SREBF2: variants seen among roughly 807,000 people sequenced by gnomAD.
SREBF2 encodes sterol regulatory element binding transcription factor 2, also known as sterol regulatory element-binding protein 2.
A neutral mutation model predicts 113.1 loss-of-function variants in SREBF2; 55 were observed. The observed-to-expected ratio is 0.49, with a 90% CI of 0.39 to 0.61. SREBF2 has a LOEUF of 0.61. Ranked by LOEUF, SREBF2 falls within the 20% of genes least tolerant of loss-of-function variation. The pLI, the probability that SREBF2 is intolerant of heterozygous loss-of-function variation, is 0.00. For missense variants in SREBF2, 1,349 were observed against 1,487.4 expected, an observed-to-expected ratio of 0.91 and a Z score of 1.53; for synonymous variants, 593 against 605.7, an observed-to-expected ratio of 0.98 and a Z score of 0.31.
In SREBF2 at chr22:41,875,601, C is replaced by G. The variant is rs527268225; in HGVS notation, c.1263C>G (p.Ile421Met). The G allele has an allele frequency of 2.0e-5, 33 of 1,614,078 alleles. No individual in the cohort carries two copies. Among genetic ancestry groups the G allele is most frequent in the Non-Finnish European group, 2.8e-5 (33 of 1,180,046 alleles). ...TGGACAATGAGGTGGACCTGAAGAT[C>G]GAGGACTTTAATCAGAATGTCCTTC... ...SLVDNEVDLKIEDFNQNVLLM... is the reference protein window; with the variant it reads ...SLVDNEVDLKMEDFNQNVLLM... Residue 421 changes from isoleucine to methionine, a missense_variant, in exon 7 of 19, where the codon ATC (isoleucine) becomes ATG (methionine). This residue lies in a region of SREBF2 where 699 missense variants were observed against 843.3 expected (regional missense o/e 0.83). Coordinates refer to ENST00000361204, the MANE Select transcript of SREBF2 (RefSeq NM_004599.4).
chr22:41,857,600 A>G (rs937859154), intron 1 of SREBF2, among the ~76,000 whole-genome samples: 3 of 152,062 alleles, frequency 2.0e-5, no homozygotes, highest in Non-Finnish European at 2.9e-5. Context: ...TCTCCACCCA[A>G]TTTTTCTTTG....
At position 41,867,228 on chromosome 22, in the gene SREBF2, G is replaced by A. The variant is rs373113186; in HGVS notation, c.486G>A (p.Thr162=). 40 of 1,614,090 alleles carry A rather than the reference G, an allele frequency of 2.5e-5. No homozygotes were observed. The highest frequency in any genetic ancestry group is 3.1e-5 in the Non-Finnish European group (36 of 1,180,042). The change falls in exon 2 of 19, where the codon ACG becomes ACA. Residue 162 remains threonine, a synonymous_variant. Transcript: ENST00000361204. ...CAACATTCAGCACCACTCCGCAGAC[G>A]AGGATCATCCAGCAGCCTTTGATAT... ...ITPTFSTTPQ[T]RIIQQPLIYQ...
intron 10 of SREBF2, among the ~76,000 whole-genome samples, chr22:41,883,716 T>A (rs1050090430): frequency 6.6e-6 from 1 of 151,608 alleles, no homozygotes; most frequent in Non-Finnish European, 1.5e-5. Context: ...CAGAATGGAG[T>A]GTGGAGGCTG....
At chr22:41,862,346 G>A (rs1316768183) in intron 1 of SREBF2, among the ~76,000 whole-genome samples, 3 of 152,198 alleles carry the variant, frequency 2.0e-5, no homozygotes, top group African/African-American at 7.2e-5. Context: ...CCCAGATACA[G>A]TTTCCTGGGG....
chr22:41,876,396 C>CTTAGTAAA (rs1230146614), intron 7 of SREBF2, among the ~76,000 whole-genome samples: 1 of 152,178 alleles, frequency 6.6e-6, no homozygotes, highest in Non-Finnish European at 1.5e-5. Flanking sequence ...AAGGAAGCTC[C>CTTAGTAAA]ATTTTTGAAA....
chr22:41,895,010 T>C, intron 13 of SREBF2, 73 bp downstream of exon 13: 1 of 1,189,160 alleles, frequency 8.4e-7, no homozygotes, highest in South Asian at 1.2e-5. Context: ...CCTGAAGGCC[T>C]GCACTCCTGG....
Position 41,867,124 on chromosome 22 carries a change from A to C in SREBF2, c.382A>C (p.Thr128Pro). The change falls in exon 2 of 19, where the codon ACT becomes CCT. Residue 128 changes from threonine to proline, a missense_variant. Physicochemically the swap from Thr to Pro is conservative, Grantham distance 38. Transcript: ENST00000361204. ...CTCAGTTCCCACCACACCCAGGGCA[A>C]CTCCTATTCTTCAGCCCCGCCCCCA... ...PTSVPTTPRA[T>P]PILQPRPQPQ... 6.2e-7 allele frequency: 1 copy of C among 1,613,852 alleles called. No individual in the cohort carries two copies. The highest frequency in any genetic ancestry group is 8.5e-7 in the Non-Finnish European group (1 of 1,179,964).
At chr22:41,895,940 G>A (rs1256552326) in intron 13 of SREBF2, among the ~76,000 whole-genome samples, 2 of 151,932 alleles carry the variant, frequency 1.3e-5, no homozygotes, top group African/African-American at 4.8e-5. Flanking sequence ...TCAGGAGATC[G>A]AGACCATCCT....
At chr22:41,871,104 T>C in intron 4 of SREBF2, 69 bp downstream of exon 4, 2 of 1,601,854 alleles carry the variant, frequency 1.2e-6, no homozygotes, top group South Asian at 1.1e-5. Flanking sequence ...TCTTCAGAGA[T>C]GTTAAATCTC....
intron 5 of SREBF2, among the ~76,000 whole-genome samples, chr22:41,874,988 G>T (rs1336345469): frequency 2.0e-5 from 3 of 152,014 alleles, no homozygotes; most frequent in Non-Finnish European, 2.9e-5. Flanking sequence ...AGTTTGTTAT[G>T]GTGCTAGGAT....
At chr22:41,902,438 G>A (rs574831108) in intron 16 of SREBF2, among the ~76,000 whole-genome samples, 6 of 152,154 alleles carry the variant, frequency 3.9e-5, no homozygotes, top group African/African-American at 7.2e-5. Context: ...TGGCAAAGCC[G>A]GGTCAGTAGG....
At chr22:41,845,904 G>A (rs1166020983) in intron 1 of SREBF2, among the ~76,000 whole-genome samples, 1 of 152,218 alleles carries the variant, frequency 6.6e-6, no homozygotes, top group Non-Finnish European at 1.5e-5. Context: ...GGTCTGGGAT[G>A]TTGTCCAACA....
At chr22:41,900,962 G>C (rs757443861) in intron 16 of SREBF2, 3 of 533,952 alleles carry the variant, frequency 5.6e-6, no homozygotes, top group Non-Finnish European at 7.7e-6. Context: ...CATTGTAGTT[G>C]CATTGCATGT....
chr22:41,854,450 C>T (rs754091939), intron 1 of SREBF2, among the ~76,000 whole-genome samples: 9 of 151,952 alleles, frequency 5.9e-5, no homozygotes, highest in Non-Finnish European at 5.9e-5. Flanking sequence ...GGGTGAACCA[C>T]CATGCCCGGC....
At chr22:41,866,049 A>G (rs1031044334) in intron 1 of SREBF2, among the ~76,000 whole-genome samples, 2 of 152,126 alleles carry the variant, frequency 1.3e-5, no homozygotes, top group Non-Finnish European at 2.9e-5. Context: ...TGTGGTGAGG[A>G]GGAAAGAGGT....
intron 8 of SREBF2, 124 bp downstream of exon 8, chr22:41,877,545 C>T: frequency 1.8e-6 from 2 of 1,117,792 alleles, no homozygotes; most frequent in Non-Finnish European, 2.6e-6. Context: ...GGGCCCCCAC[C>T]TGCTTGCTTC....
Position 41,906,563 on chromosome 22 carries a change from G to A in SREBF2, c.*903G>A, listed in dbSNP as rs1211672253. 6.5e-6 allele frequency: 1 copy of A among 152,828 alleles called. No homozygotes were observed. The highest frequency in any genetic ancestry group is 1.5e-5 in the Non-Finnish European group (1 of 68,532). The allele number at this position is 152,828 out of a possible 1,614,324, so 9.5% of individuals were successfully genotyped here. On this transcript the variant is annotated 3_prime_UTR_variant, in exon 19 of 19. Transcript: ENST00000361204. The stretch of plus-strand genomic sequence containing the variant: ...TACAGACTGTCCCCAACTTAACAGT[G>A]GTTCAACTTAAACCATGTTTCAACT...
chr22:41,862,653 C>A (rs1173688186), intron 1 of SREBF2, among the ~76,000 whole-genome samples: 1 of 152,188 alleles, frequency 6.6e-6, no homozygotes, highest in Non-Finnish European at 1.5e-5. Context: ...TAGGACATTC[C>A]CATGGGTGTA....
chr22:41,889,265 T>C (rs1406769832), intron 11 of SREBF2, among the ~76,000 whole-genome samples: 2 of 152,128 alleles, frequency 1.3e-5, no homozygotes, highest in Admixed American at 6.6e-5. Context: ...TAGCTGGGAC[T>C]GCAGGTATAC....
Sources: allele counts gnomAD v4.1 joint callset (sites outside exome capture counted in the v4.1 genomes callset), GRCh38; gene constraint gnomAD v4.1.1; regional missense constraint gnomAD v4.1.1; transcripts MANE v1.5; gene names NCBI Gene and HGNC (gene_info 2026-07-23, HGNC 2026-07-21).